Variants in TANGO6 observed in about 807,000 individuals in gnomAD.
The protein encoded by TANGO6 is transport and Golgi organization protein 6 homolog.
TANGO6 carries 90 observed loss-of-function variants against 114.2 expected under a neutral mutation model. That is an observed-to-expected ratio of 0.79 (90% CI 0.66 to 0.94). The LOEUF (loss-of-function observed/expected upper bound fraction) is 0.94. TANGO6 is among the 40% of genes least tolerant of loss of function. TANGO6 has a pLI of 0.00. For synonymous variants in TANGO6, 477 were observed against 509.8 expected (o/e 0.94, Z 0.87); for missense variants, 1,274 against 1,315.3 (o/e 0.97, Z 0.49).
intron 14 of TANGO6, among the ~76,000 whole-genome samples, chr16:68,965,657 C>G (rs953188572): frequency 2.6e-5 from 4 of 151,786 alleles, no homozygotes; most frequent in African/African-American, 4.8e-5. Context: ...CAAAATTAGC[C>G]AGGTGTGGTG....
intron 15 of TANGO6, among the ~76,000 whole-genome samples, chr16:68,999,264 C>G (rs1163006443): frequency 6.6e-6 from 1 of 152,188 alleles, no homozygotes; most frequent in Non-Finnish European, 1.5e-5. Flanking sequence ...GTAAATTCCT[C>G]TTTTCTTGAG....
chr16:68,965,631 G>A (rs530368422), intron 14 of TANGO6, among the ~76,000 whole-genome samples: 51 of 151,848 alleles, frequency 3.4e-4, no homozygotes, highest in African/African-American at 1.2e-3. Context: ...GTGAAACCCC[G>A]TCTCTACTAA....
chr16:68,852,255 A>C (rs767883964), intron 1 of TANGO6, among the ~76,000 whole-genome samples: 2 of 152,328 alleles, frequency 1.3e-5, no homozygotes, highest in South Asian at 4.1e-4. Context: ...CTTCACATAC[A>C]TATAGTATGT....
At chr16:68,922,535 A>AAAAC (rs1306623897) in intron 12 of TANGO6, among the ~76,000 whole-genome samples, 2 of 151,712 alleles carry the variant, frequency 1.3e-5, no homozygotes, top group Non-Finnish European at 2.9e-5. Context: ...ACTCCATCTC[A>AAAAC]AAACAAACAA....
At chr16:69,028,856 CAA>C (rs397761274) in intron 16 of TANGO6, among the ~76,000 whole-genome samples, 10 of 65,540 alleles carry the variant, frequency 1.5e-4, no homozygotes, top group Non-Finnish European at 2.4e-4. Flanking sequence ...CCCAGTTTAA[CAA>C]AAAAAAAAAA....
intron 17 of TANGO6, among the ~76,000 whole-genome samples, chr16:69,059,827 CA>C (rs1269520181): frequency 6.6e-6 from 1 of 152,166 alleles, no homozygotes; most frequent in Non-Finnish European, 1.5e-5. Flanking sequence ...TCCTGAGATG[CA>C]AATCTGCTAA....
intron 11 of TANGO6, 38 bp from the exon 12 acceptor site, chr16:68,919,047 T>TC: frequency 6.3e-7 from 1 of 1,585,094 alleles, no homozygotes; most frequent in Non-Finnish European, 8.6e-7. Flanking sequence ...TTTTTTTTTT[T>TC]CATTCCTCAT....
At chr16:68,918,526 T>C (rs1963042658) in intron 11 of TANGO6, among the ~76,000 whole-genome samples, 1 of 152,238 alleles carries the variant, frequency 6.6e-6, no homozygotes, top group African/African-American at 2.4e-5. Flanking sequence ...TTAAGTTAAT[T>C]TACAAGTCAT....
Position 68,902,326 on chromosome 16 carries a change from A to C in TANGO6, c.1491-2A>C. ...CTCATTCATAACTGCTTTTTCTGCC[A>C]GGTCACTTTGCCAAGAAATCTTATT... On this transcript the variant is annotated splice_acceptor_variant, in intron 8 of 17. Transcript: ENST00000261778. LOFTEE classifies it high-confidence loss of function. The C allele has an allele frequency of 6.2e-7, 1 of 1,607,020 alleles. No individual in the cohort carries two copies. Among genetic ancestry groups the C allele is most frequent in the Non-Finnish European group, 8.5e-7 (1 of 1,177,320 alleles).
intron 4 of TANGO6, chr16:68,868,122 C>CA (rs1301940120): frequency 9.2e-6 from 1 of 108,726 alleles, no homozygotes; most frequent in African/African-American, 3.5e-5. Context: ...CCAGCCTGGA[C>CA]AAAAAAAGCA....
intron 4 of TANGO6, among the ~76,000 whole-genome samples, chr16:68,871,528 A>C (rs1223059827): frequency 6.6e-6 from 1 of 152,070 alleles, no homozygotes; most frequent in Non-Finnish European, 1.5e-5. Context: ...AATGACACCA[A>C]ATATTATGTT....
At chr16:69,031,986 T>C (rs1039744388) in intron 16 of TANGO6, among the ~76,000 whole-genome samples, 4 of 151,770 alleles carry the variant, frequency 2.6e-5, no homozygotes, top group African/African-American at 9.7e-5. Context: ...TGAGCAAAGA[T>C]ATAAGGAAGC....
chr16:69,034,793 C>T (rs1959659264), intron 16 of TANGO6: 1 of 151,504 alleles, frequency 6.6e-6, no homozygotes, highest in South Asian at 2.1e-4. Flanking sequence ...TCCACAGTCA[C>T]TGTACTGGGA....
chr16:68,933,565 G>A (rs1327533672), intron 14 of TANGO6, among the ~76,000 whole-genome samples: 1 of 152,210 alleles, frequency 6.6e-6, no homozygotes, highest in Non-Finnish European at 1.5e-5. Context: ...GGCCAGCTGT[G>A]GTAGCTGTGC....
chr16:69,023,590 C>T (rs1183001671), intron 16 of TANGO6, among the ~76,000 whole-genome samples: 1 of 152,024 alleles, frequency 6.6e-6, no homozygotes, highest in Non-Finnish European at 1.5e-5. Flanking sequence ...ATTGGAGAAA[C>T]CTTTAGGAAA....
intron 17 of TANGO6, among the ~76,000 whole-genome samples, chr16:69,052,316 T>C (rs1959964708): frequency 6.7e-6 from 1 of 148,784 alleles, no homozygotes; most frequent in Non-Finnish European, 1.5e-5. Context: ...TCTCCCAAGC[T>C]GGAGTGTAGT....
intron 12 of TANGO6, among the ~76,000 whole-genome samples, chr16:68,927,149 G>A (rs1963177659): frequency 6.6e-6 from 1 of 152,138 alleles, no homozygotes; most frequent in African/African-American, 2.4e-5. Context: ...GTTAAGAACA[G>A]CCTTATCTTT....
chr16:68,985,133 A>G (rs907145414), intron 15 of TANGO6, among the ~76,000 whole-genome samples: 2 of 152,032 alleles, frequency 1.3e-5, no homozygotes, highest in South Asian at 4.1e-4. Flanking sequence ...TCGGCCTCCC[A>G]AAGTGTTAGG....
In TANGO6 at chr16:68,968,616, C is replaced by G. The variant is rs181377960; in HGVS notation, c.2702-5412C>G. 1.4e-3 allele frequency among the ~76,000 whole-genome samples: 217 copies of G among 151,554 alleles called. 2 individuals carry two copies. Among genetic ancestry groups the G allele is most frequent in the African/African-American group, 4.9e-3 (203 of 41,278 alleles). The stretch of plus-strand genomic sequence containing the variant: ...CTGACCTCAGGTGGTCCACCCGCCT[C>G]GGCCTCTCAAAGTGCTGGGATTACA... On this transcript the variant is annotated intron_variant, in intron 14 of 17. Coordinates refer to ENST00000261778, the MANE Select transcript of TANGO6 (RefSeq NM_024562.2).
Sources: gnomAD v4.1 joint callset for allele counts (sites outside exome capture counted in the v4.1 genomes callset) on GRCh38, gnomAD v4.1.1 for gene constraint, MANE v1.5 for transcripts, NCBI Gene and HGNC (gene_info 2026-07-23, HGNC 2026-07-21) for gene names.